Variants in RPH3A observed in about 807,000 individuals in gnomAD.
RPH3A encodes the protein rabphilin-3A.
In RPH3A, 48 loss-of-function variants were observed where a neutral mutation model predicts 102.2. That is an observed-to-expected ratio of 0.47 (90% CI 0.37 to 0.60). RPH3A has a LOEUF of 0.60. Ranked by LOEUF, RPH3A falls within the 20% of genes least tolerant of loss-of-function variation. The pLI is 0.00. For missense variants in RPH3A, 781 were observed against 910.1 expected (o/e 0.86, Z 1.83); for synonymous variants, 310 against 324.3 (o/e 0.96, Z 0.47).
intron 3 of RPH3A, among the ~76,000 whole-genome samples, chr12:112,830,593 A>G (rs1370414977): frequency 2.0e-5 from 3 of 152,096 alleles, no homozygotes; most frequent in Admixed American, 6.5e-5. Context: ...TGCTTGTATT[A>G]TGTTGAAATC....
chr12:112,627,487 AATAC>A (rs2039775209), intron 1 of RPH3A, among the ~76,000 whole-genome samples: 1 of 151,074 alleles, frequency 6.6e-6, no homozygotes, highest in East Asian at 1.9e-4. Flanking sequence ...TACATTATAT[AATAC>A]ATAGTGTTAT....
At chr12:112,805,673 T>C (rs1030408495) in intron 2 of RPH3A, among the ~76,000 whole-genome samples, 4 of 152,218 alleles carry the variant, frequency 2.6e-5, no homozygotes, top group Non-Finnish European at 4.4e-5. Flanking sequence ...AGTTTGCTCG[T>C]TGACAGCCAA....
chr12:112,698,832 C>A (rs1829248250), intron 1 of RPH3A, among the ~76,000 whole-genome samples: 1 of 151,870 alleles, frequency 6.6e-6, no homozygotes, highest in African/African-American at 2.4e-5. Context: ...TCCTACTTCT[C>A]CTTCCCCTTT....
intron 1 of RPH3A, among the ~76,000 whole-genome samples, chr12:112,755,725 GC>G (rs2136063609): frequency 6.6e-6 from 1 of 152,086 alleles, no homozygotes; most frequent in African/African-American, 2.4e-5. Flanking sequence ...GCTGAGCCCT[GC>G]CTTTTCATGA....
intron 1 of RPH3A, among the ~76,000 whole-genome samples, chr12:112,715,951 A>G (rs752242628): frequency 5.9e-5 from 9 of 152,252 alleles, no homozygotes; most frequent in South Asian, 2.1e-4. Context: ...GGCAATTCTC[A>G]GAACTGAGGG....
intron 1 of RPH3A, among the ~76,000 whole-genome samples, chr12:112,615,853 C>T (rs2039674900): frequency 6.6e-6 from 1 of 152,100 alleles, no homozygotes; most frequent in Non-Finnish European, 1.5e-5. Flanking sequence ...ATGGGGTTTT[C>T]ATAAACATGA....
intron 14 of RPH3A, among the ~76,000 whole-genome samples, 181 bp from the exon 15 acceptor site, chr12:112,881,591 C>G (rs1425139979): frequency 6.6e-6 from 1 of 152,204 alleles, no homozygotes; most frequent in African/African-American, 2.4e-5. Context: ...GGTTTAAAAC[C>G]CTGTCTCCCA....
intron 1 of RPH3A, among the ~76,000 whole-genome samples, chr12:112,709,977 T>C (rs943916760): frequency 6.6e-6 from 1 of 152,042 alleles, no homozygotes; most frequent in Non-Finnish European, 1.5e-5. Context: ...GCTGGTTGCC[T>C]TTTTTCTTTT....
At chr12:112,621,285 C>T (rs2039721238) in intron 1 of RPH3A, among the ~76,000 whole-genome samples, 2 of 151,306 alleles carry the variant, frequency 1.3e-5, no homozygotes, top group Admixed American at 1.3e-4. Context: ...TCTGCATTTC[C>T]ATCTGAGGTA....
chr12:112,644,754 G>A (rs1002984104), intron 1 of RPH3A, among the ~76,000 whole-genome samples: 10 of 152,184 alleles, frequency 6.6e-5, no homozygotes, highest in Non-Finnish European at 1.2e-4. Flanking sequence ...TAGCTGCCAT[G>A]TAGATGAGGT....
intron 1 of RPH3A, among the ~76,000 whole-genome samples, chr12:112,763,415 A>G (rs2040867631): frequency 6.6e-6 from 1 of 152,254 alleles, no homozygotes. Flanking sequence ...TTAGGGAGAC[A>G]TAAGATATCA....
chr12:112,735,006 G>T lies in RPH3A; in HGVS notation c.-139-57137G>T, dbSNP rs567814102. Among the ~76,000 whole-genome samples, 134 of 152,286 alleles carry T rather than the reference G, an allele frequency of 8.8e-4. 1 individual carries two copies. The highest frequency in any genetic ancestry group is 3.0e-3 in the African/African-American group (123 of 41,560). On this transcript the variant is annotated intron_variant, in intron 1 of 21. Transcript: ENST00000543106. ...TCAGAATGCCTAACCTCCTGGGAGT[G>T]CAGCTTAGTAGGTCTCAACCTTATT... is the stretch of plus-strand genomic sequence containing the variant.
chr12:112,793,477 G>A (rs1392529533), intron 2 of RPH3A, among the ~76,000 whole-genome samples: 1 of 152,100 alleles, frequency 6.6e-6, no homozygotes, highest in Non-Finnish European at 1.5e-5. Flanking sequence ...TTTTTCTCTA[G>A]CCCCATAGCT....
chr12:112,882,178 A>G (rs2042926222), intron 15 of RPH3A, among the ~76,000 whole-genome samples: 1 of 152,102 alleles, frequency 6.6e-6, no homozygotes, highest in Admixed American at 6.5e-5. Context: ...CACCTCCCCT[A>G]CACATTTTAT....
intron 1 of RPH3A, among the ~76,000 whole-genome samples, chr12:112,731,897 C>CA (rs1234083714): frequency 6.6e-6 from 1 of 152,138 alleles, no homozygotes; most frequent in Non-Finnish European, 1.5e-5. Flanking sequence ...CCCACCTCCC[C>CA]AAAAAATCCA....
intron 1 of RPH3A, among the ~76,000 whole-genome samples, chr12:112,597,995 C>T (rs1036496374): frequency 5.3e-5 from 8 of 152,128 alleles, no homozygotes; most frequent in Admixed American, 3.3e-4. Flanking sequence ...TTCTGTAGGT[C>T]GTTTAGGCTG....
In RPH3A at chr12:112,732,016, T is replaced by C. The variant is rs568336982; in HGVS notation, c.-139-60127T>C. On this transcript the variant is annotated intron_variant, in intron 1 of 21. Coordinates refer to the RPH3A transcript ENST00000543106. ...AGTTCCAGCTTCGATCAGATAACTA[T>C]GTTTGATTAAACATCCTTTTAAACT... is the stretch of plus-strand genomic sequence containing the variant. Among the ~76,000 whole-genome samples the C allele has an allele frequency of 3.9e-5, 6 of 152,374 alleles. No individual in the cohort carries two copies. In the South Asian group the frequency reaches 6.2e-4, roughly 16 times the overall value.
intron 1 of RPH3A, among the ~76,000 whole-genome samples, chr12:112,579,699 T>G (rs1019246962): frequency 1.3e-5 from 2 of 152,230 alleles, no homozygotes; most frequent in Non-Finnish European, 2.9e-5. Context: ...AGACAACTAC[T>G]GCCAACTGCC....
intron 1 of RPH3A, among the ~76,000 whole-genome samples, chr12:112,765,592 T>C (rs1277451741): frequency 6.6e-6 from 1 of 152,162 alleles, no homozygotes; most frequent in Admixed American, 6.5e-5. Context: ...GATTTCCTTA[T>C]CTGTAAAATG....
Sources: allele counts gnomAD v4.1 joint callset (sites outside exome capture counted in the v4.1 genomes callset), GRCh38; gene constraint gnomAD v4.1.1; transcripts MANE v1.5; gene names NCBI Gene and HGNC (gene_info 2026-07-23, HGNC 2026-07-21).